Variants in EML6 observed in about 807,000 individuals in gnomAD.
EML6 encodes the protein EMAP like 6.
Under a neutral mutation model 240.1 loss-of-function variants are expected in EML6, and 154 were observed. That is an observed-to-expected ratio of 0.64 (90% CI 0.56 to 0.73). The LOEUF (loss-of-function observed/expected upper bound fraction) is 0.73. Among genes scored for constraint, EML6 ranks in the 30% least tolerant of loss-of-function variants. The probability of loss-of-function intolerance (pLI) is 0.00; values close to 1 mark genes in which losing one functional copy is unlikely to be tolerated. For synonymous variants in EML6, 1,148 were observed against 899.0 expected, an observed-to-expected ratio of 1.28 and a Z score of -4.95; for missense variants, 2,964 against 2,474.6, an observed-to-expected ratio of 1.20 and a Z score of -4.20.
chr2:54,946,324 G>C (rs1675692952), intron 28 of EML6, among the ~76,000 whole-genome samples: 1 of 152,016 alleles, frequency 6.6e-6, no homozygotes, highest in South Asian at 2.1e-4. Context: ...GGGTCTCCCT[G>C]CCAATGCCGG....
chr2:54,839,067 G>A (rs1027389904), intron 7 of EML6, among the ~76,000 whole-genome samples: 3 of 152,188 alleles, frequency 2.0e-5, no homozygotes, highest in African/African-American at 7.2e-5. Context: ...AGCTGCCTTG[G>A]TCAGCCCAGC....
At chr2:54,871,806 C>T (rs1244431252) in intron 16 of EML6, among the ~76,000 whole-genome samples, 3 of 152,248 alleles carry the variant, frequency 2.0e-5, no homozygotes, top group Non-Finnish European at 2.9e-5. Context: ...GAATACCTCA[C>T]CAAAAAATGT....
intron 3 of EML6, among the ~76,000 whole-genome samples, chr2:54,815,832 A>G (rs1668057656): frequency 6.6e-6 from 1 of 152,186 alleles, no homozygotes; most frequent in Admixed American, 6.5e-5. Context: ...GTGAGTGTGC[A>G]TATACACAGA....
intron 25 of EML6, among the ~76,000 whole-genome samples, chr2:54,911,679 C>T (rs548339744): frequency 2.0e-4 from 30 of 152,232 alleles, no homozygotes; most frequent in Admixed American, 8.5e-4. Context: ...TCAGGTGATC[C>T]GCCCACGTCA....
chr2:54,934,896 A>C (rs1020385964), intron 28 of EML6, among the ~76,000 whole-genome samples: 4 of 152,204 alleles, frequency 2.6e-5, no homozygotes, highest in African/African-American at 9.7e-5. Flanking sequence ...TTGAATTCTC[A>C]AGGGAAAGAT....
chr2:54,957,339 G>A (rs1393812385), intron 32 of EML6, among the ~76,000 whole-genome samples: 2 of 130,658 alleles, frequency 1.5e-5, no homozygotes, highest in African/African-American at 2.9e-5. Context: ...TAAAGAAAAT[G>A]CAGGAGAATC....
At chr2:54,854,425 A>C (rs1394531267) in intron 11 of EML6, among the ~76,000 whole-genome samples, 2 of 152,188 alleles carry the variant, frequency 1.3e-5, no homozygotes, top group African/African-American at 4.8e-5. Flanking sequence ...GTTTGACTTC[A>C]GTTATGTGGC....
At position 54,942,188 on chromosome 2, in the gene EML6, CAA is replaced by C. The variant is rs571476187; in HGVS notation, c.4005-6692_4005-6691del. On this transcript the variant is annotated intron_variant, in intron 28 of 41. Transcript: ENST00000356458. ...AGAATAGTTTCTTCACTTTTGATGA[CAA>C]AGAGTGGCCAGTGTATAAAAATCCA... Among the ~76,000 whole-genome samples, 408 of 152,260 alleles carry C rather than the reference CAA, an allele frequency of 2.7e-3. 3 individuals are homozygous for C. The highest frequency in any genetic ancestry group is 9.6e-3 in the African/African-American group (398 of 41,548).
At chr2:54,912,644 G>A (rs894343728) in intron 25 of EML6, among the ~76,000 whole-genome samples, 4 of 152,122 alleles carry the variant, frequency 2.6e-5, no homozygotes, top group Non-Finnish European at 4.4e-5. Context: ...ATTCCCACTC[G>A]TGAGAACATG....
intron 28 of EML6, among the ~76,000 whole-genome samples, chr2:54,938,021 G>T (rs1470035342): frequency 6.6e-6 from 1 of 152,192 alleles, no homozygotes; most frequent in East Asian, 1.9e-4. Flanking sequence ...AGTGATGTTA[G>T]TGATGTGAAT....
At chr2:54,961,184 G>GTTGTTTTTTTTTTTTTTTTGTTTTT in intron 35 of EML6, among the ~76,000 whole-genome samples, 1 of 55,414 alleles carries the variant, frequency 1.8e-5, no homozygotes. Context: ...TCAGGAAGTA[G>GTTGTTTTTTTTTTTTTTTTGTTTTT]TTTTTTTTTT....
intron 7 of EML6, among the ~76,000 whole-genome samples, chr2:54,842,413 C>T (rs183842032): frequency 7.2e-5 from 11 of 152,216 alleles, no homozygotes; most frequent in Admixed American, 2.6e-4. Context: ...CTCTTAAAGG[C>T]GTTCTAATTG....
At chr2:54,929,609 T>C (rs1674745536) in intron 28 of EML6, among the ~76,000 whole-genome samples, 1 of 152,222 alleles carries the variant, frequency 6.6e-6, no homozygotes, top group South Asian at 2.1e-4. Flanking sequence ...AGTTTGCATT[T>C]AGTATGGCTT....
intron 18 of EML6, 24 bp downstream of exon 18, chr2:54,891,178 T>G: frequency 8.2e-7 from 1 of 1,219,262 alleles, no homozygotes; most frequent in East Asian, 2.6e-5. Flanking sequence ...GGTTTATCAT[T>G]TATGTGATTG....
chr2:54,964,509 C>A (rs777223730), intron 37 of EML6, 62 bp from the exon 38 acceptor site: 2 of 1,488,436 alleles, frequency 1.3e-6, no homozygotes, highest in East Asian at 2.5e-5. Flanking sequence ...GACCAGCCTT[C>A]GTGCCTGACC....
At chr2:54,759,426 T>TG (rs1667879871) in intron 2 of EML6, among the ~76,000 whole-genome samples, 2 of 151,930 alleles carry the variant, frequency 1.3e-5, no homozygotes, top group African/African-American at 4.8e-5. Flanking sequence ...TATAAGATCA[T>TG]GGGGGAAGTG....
At chr2:54,861,517 A>G (rs533620011) in intron 12 of EML6, among the ~76,000 whole-genome samples, 1 of 152,340 alleles carries the variant, frequency 6.6e-6, no homozygotes, top group East Asian at 1.9e-4. Context: ...CTGTGAAGAT[A>G]GAAGGAATTG....
At chr2:54,961,618 G>C (rs144977943) in intron 35 of EML6, among the ~76,000 whole-genome samples, 1 of 152,132 alleles carries the variant, frequency 6.6e-6, no homozygotes, top group Admixed American at 6.6e-5. Flanking sequence ...GGAGGAGTCT[G>C]TGCTGAAGCT....
At chr2:54,895,171 C>G in intron 20 of EML6, 102 bp from the exon 21 acceptor site, 5 of 1,370,100 alleles carry the variant, frequency 3.6e-6, no homozygotes, top group Non-Finnish European at 5.0e-6. Flanking sequence ...AATGTCAAGG[C>G]TGACTGCCTA....
Sources: allele counts gnomAD v4.1 joint callset (sites outside exome capture counted in the v4.1 genomes callset), GRCh38; gene constraint gnomAD v4.1.1; transcripts MANE v1.5; gene names NCBI Gene and HGNC (gene_info 2026-07-23, HGNC 2026-07-21).